The following USP11 variants were observed in gnomAD, a reference collection of about 807,000 sequenced individuals.
USP11 encodes the protein ubiquitin specific peptidase 11.
A neutral mutation model predicts 72.8 loss-of-function variants in USP11; 5 were observed. The ratio of observed to expected loss-of-function variants is 0.07; its 90% CI spans 0.04 to 0.14. The LOEUF (loss-of-function observed/expected upper bound fraction) is 0.14, where lower values mean the gene tolerates loss of function less well. USP11 is among the 10% of genes least tolerant of loss of function. The pLI is 1.00. For synonymous variants in USP11, 368 were observed against 326.5 expected, an observed-to-expected ratio of 1.13 and a Z score of -1.37; for missense variants, 480 against 794.7, an observed-to-expected ratio of 0.60 and a Z score of 4.76.
intron 5 of USP11, 43 bp downstream of exon 5, chrX:47,240,493 T>G (rs376025572): frequency 8.3e-7 from 1 of 1,210,302 alleles, no homozygotes; most frequent in East Asian, 3.0e-5. Flanking sequence ...GACTGGCAGA[T>G]AGACTCACCT....
At chrX:47,245,941 C>T (rs2147354975) in intron 17 of USP11, among the ~76,000 whole-genome samples, 1 of 111,514 alleles carries the variant, frequency 9.0e-6, no homozygotes, top group South Asian at 3.8e-4. Flanking sequence ...ACTCCTACCC[C>T]AGAGCCTTGG....
At chrX:47,235,245 A>T (rs1375168393) in intron 1 of USP11, among the ~76,000 whole-genome samples, 2 of 111,901 alleles carry the variant, frequency 1.8e-5, no homozygotes, top group East Asian at 5.6e-4. Flanking sequence ...CTAAGCTTTC[A>T]CTTTATACAT....
intron 17 of USP11, among the ~76,000 whole-genome samples, chrX:47,246,786 C>G (rs753968379): frequency 1.8e-5 from 2 of 110,739 alleles, no homozygotes; most frequent in Non-Finnish European, 3.8e-5. Context: ...CTTGGGAGGC[C>G]GACACGGGTG....
At position 47,248,025 on chromosome X, in the gene USP11, G is replaced by T. The variant is rs1314317854; in HGVS notation, c.*95G>T. ...CCCGCTTCTCTTATTCGTGTTAGGTGCCCCCGCCAGGCATTGCAGGCTTAG... is the reference window on the plus strand; with the variant it reads ...CCCGCTTCTCTTATTCGTGTTAGGTTCCCCCGCCAGGCATTGCAGGCTTAG... On this transcript the variant is annotated 3_prime_UTR_variant, in exon 21 of 21. Coordinates refer to ENST00000377107, the MANE Select transcript of USP11 (RefSeq NM_001371072.1). The T allele has an allele frequency of 4.6e-6, 5 of 1,079,605 alleles. No individual in the cohort carries two copies. The East Asian group carries it at 1.3e-4, about 29-fold the overall frequency. The allele number at this position is 1,079,605 out of a possible 1,213,427, so 89.0% of individuals were successfully genotyped here. A position where few individuals can be genotyped will look rare whatever the true frequency, so the allele number is the denominator to read the frequency against.
In USP11 at chrX:47,247,887, C is replaced by T; in HGVS notation, c.2720C>T (p.Ala907Val). 8.3e-7 allele frequency: 1 copy of T among 1,204,523 alleles called. No individual in the cohort carries two copies. Among genetic ancestry groups the T allele is most frequent in the South Asian group, 1.8e-5 (1 of 55,969 alleles). The change falls in exon 21 of 21, where the codon GCC (alanine) becomes GTC (valine). Residue 907 changes from alanine (A) to valine (V), a missense_variant. Coordinates refer to ENST00000377107, the MANE Select transcript of USP11 (RefSeq NM_001371072.1). ...TCATCTGGCGCCCCAGCCTCCCCTG[C>T]CTGCAGCTCCCCACCCAGCTCTGAG... ...AGSSGAPASP[A>V]CSSPPSSEFM... is the part of the protein sequence containing the mutation.
rs771192775 is a variant in USP11 at position 47,242,434 on chromosome X, C to T, written c.1405-5C>T. Reference sequence around the variant, plus strand: ...GGTCTTTTGTGGATACCGTTTTTCCCTTAGCACCGGCTCGTGGTCCCCAAG... The same window carrying T: ...GGTCTTTTGTGGATACCGTTTTTCCTTTAGCACCGGCTCGTGGTCCCCAAG... On this transcript the variant is annotated splice_region_variant and splice_polypyrimidine_tract_variant and intron_variant, in intron 10 of 20. Coordinates refer to ENST00000377107, the MANE Select transcript of USP11 (RefSeq NM_001371072.1). The T allele has an allele frequency of 3.3e-6, 4 of 1,211,908 alleles. No homozygotes were observed. Among genetic ancestry groups the T allele is most frequent in the Non-Finnish European group, 4.5e-6 (4 of 895,511 alleles).
intron 16 of USP11, 96 bp downstream of exon 16, chrX:47,245,182 A>C (rs1324236687): frequency 4.6e-6 from 5 of 1,083,150 alleles, no homozygotes; most frequent in Non-Finnish European, 6.3e-6. Flanking sequence ...GAACAGAGCC[A>C]AGAGATCCAG....
At chrX:47,240,678 G>C in intron 6 of USP11, 30 bp downstream of exon 6, 3 of 1,210,461 alleles carry the variant, frequency 2.5e-6, no homozygotes, top group Admixed American at 2.2e-5. Flanking sequence ...GGTCCAGAGC[G>C]GGGGCGTCCC....
rs1351518985 is a variant in USP11, at chrX:47,247,599, C to T, written c.2537-12C>T. 2 of 1,208,369 alleles carry T rather than the reference C, an allele frequency of 1.7e-6. No homozygotes were observed. The highest frequency in any genetic ancestry group is 1.8e-5 in the African/African-American group (1 of 56,763). Reference sequence around the variant, plus strand: ...GGAAGGGTAGGCGAGGATAACTCTCCTTCCCTTTCAGACACAACATTTGCC... The same window carrying T: ...GGAAGGGTAGGCGAGGATAACTCTCTTTCCCTTTCAGACACAACATTTGCC... On this transcript the variant is annotated splice_polypyrimidine_tract_variant and intron_variant, in intron 19 of 20. Coordinates refer to ENST00000377107, the MANE Select transcript of USP11 (RefSeq NM_001371072.1).
intron 12 of USP11, among the ~76,000 whole-genome samples, chrX:47,243,187 C>T (rs918966083): frequency 1.8e-5 from 2 of 112,173 alleles, no homozygotes; most frequent in Non-Finnish European, 3.8e-5. Flanking sequence ...GGCATGAACC[C>T]GGGAGGCGGA....
At chrX:47,247,000 A>C (rs1338947447) in intron 17 of USP11, 72 bp from the exon 18 acceptor site, 34 of 1,111,809 alleles carry the variant, frequency 3.1e-5, no homozygotes, top group Non-Finnish European at 8.3e-6. Flanking sequence ...CAGCCTGGGC[A>C]ACAGAGCGAT....
chrX:47,246,946 A>G (rs1453070563), intron 17 of USP11, 126 bp from the exon 18 acceptor site: 2 of 897,398 alleles, frequency 2.2e-6, no homozygotes, highest in Non-Finnish European at 3.0e-6. Flanking sequence ...GCTTGAACCC[A>G]GGAGGTGGAG....
chrX:47,241,163 T>G, intron 7 of USP11, 114 bp from the exon 8 acceptor site: 1 of 818,414 alleles, frequency 1.2e-6, no homozygotes. Flanking sequence ...CTCTCCTCCC[T>G]TCCCCTTCTC....
Position 47,247,934 on chromosome X carries a change from C to A in USP11, c.*4C>A. ...TGAGTTCATGGATGTTAATTGAGAG[C>A]CCTGGGTCCTGCCACAGAAAAAAAA... On this transcript the variant is annotated 3_prime_UTR_variant, in exon 21 of 21. Transcript: ENST00000377107. 1 of 1,169,308 alleles carries A rather than the reference C, an allele frequency of 8.6e-7. No individual in the cohort carries two copies.
At position 47,242,458 on chromosome X, in the gene USP11, A is replaced by T; in HGVS notation, c.1424A>T (p.Lys475Met). Residue 475 changes from lysine (K) to methionine (M), a missense_variant, in exon 11 of 21, where the codon AAG becomes ATG. Lys to Met is a moderately conservative substitution (Grantham distance 95). Coordinates refer to ENST00000377107, the MANE Select transcript of USP11 (RefSeq NM_001371072.1). Reference sequence around the variant, plus strand: ...CCTTAGCACCGGCTCGTGGTCCCCAAGAAAGGCAAGATCTCGGATCTATGT... The same window carrying T: ...CCTTAGCACCGGCTCGTGGTCCCCATGAAAGGCAAGATCTCGGATCTATGT... ...KPEQHRLVVP[K>M]KGKISDLCVA... 8.3e-7 allele frequency: 1 copy of T among 1,212,121 alleles called. No homozygotes were observed. The highest frequency in any genetic ancestry group is 1.8e-5 in the South Asian group (1 of 57,016).
chrX:47,241,096 C>T (rs2055400218), intron 7 of USP11, 181 bp from the exon 8 acceptor site: 5 of 566,861 alleles, frequency 8.8e-6, no homozygotes, highest in South Asian at 6.3e-5. Context: ...CCTGTTCCCA[C>T]GTTCTTCCTT....
chrX:47,236,544 C>T (rs1168914546), intron 1 of USP11, among the ~76,000 whole-genome samples: 2 of 112,345 alleles, frequency 1.8e-5, no homozygotes, highest in African/African-American at 6.5e-5. Flanking sequence ...AAATTCAAAT[C>T]TGTAATAATA....
chrX:47,237,047 C>T (rs1415464379), intron 1 of USP11, among the ~76,000 whole-genome samples: 1 of 112,069 alleles, frequency 8.9e-6, no homozygotes, highest in Non-Finnish European at 1.9e-5. Flanking sequence ...TATAGAAGTT[C>T]AGCCTGTGAC....
At position 47,248,121 on chromosome X, in the gene USP11, G is replaced by A. The variant is rs764749252; in HGVS notation, c.*191G>A. On this transcript the variant is annotated 3_prime_UTR_variant, in exon 21 of 21. Transcript: ENST00000377107. ...AAAGAACAGGTCGTGTCTCCTCCTA[G>A]CAGTGCGCGCCCCGCCTGTGTTTGC... 2.9e-3 allele frequency: 1,710 copies of A among 592,841 alleles called. 2 individuals are homozygous for A. The highest frequency in any genetic ancestry group is 4.0e-3 in the Non-Finnish European group (1,615 of 401,512). 48.9% of individuals were successfully genotyped at this position (592,841 alleles called of 1,213,427 possible).
Sources: gnomAD v4.1 joint callset for allele counts (sites outside exome capture counted in the v4.1 genomes callset) on GRCh38, gnomAD v4.1.1 for gene constraint, MANE v1.5 for transcripts, NCBI Gene and HGNC (gene_info 2026-07-23, HGNC 2026-07-21) for gene names.